NAT1: variants seen among roughly 807,000 people sequenced by gnomAD.
NAT1 encodes arylamine N-acetyltransferase 1.
For synonymous variants in NAT1, 144 were observed against 122.6 expected (o/e 1.17, Z -1.16); for missense variants, 400 against 339.2 (o/e 1.18, Z -1.41).
intron 2 of NAT1, among the ~76,000 whole-genome samples, chr8:18,171,560 C>T (rs560674643): frequency 5.8e-4 from 88 of 152,244 alleles, no homozygotes; most frequent in African/African-American, 2.0e-3. Context: ...CCAGAAAGAG[C>T]TAGGAGGAAT....
rs776258678 is a variant in NAT1, at chr8:18,219,392, T to A, written c.-85-19T>A. 1 of 1,512,588 alleles carries A rather than the reference T, an allele frequency of 6.6e-7. No individual in the cohort carries two copies. The allele number at this position is 1,512,588 out of a possible 1,614,324, so 93.7% of individuals were successfully genotyped here. A position where few individuals can be genotyped will look rare whatever the true frequency, so the allele number is the denominator to read the frequency against. On this transcript the variant is annotated intron_variant, in intron 1 of 2. Transcript: ENST00000307719. ...AAGTCATGTTATATATTTCTGACTG[T>A]CTTTTCTCTTATTTCTAGAATTCAA...
chr8:18,171,020 T>C (rs571457182), intron 2 of NAT1, among the ~76,000 whole-genome samples: 13 of 152,312 alleles, frequency 8.5e-5, no homozygotes, highest in African/African-American at 3.1e-4. Flanking sequence ...TTAACTAGAT[T>C]GGATCCAGTT....
intron 1 of NAT1, among the ~76,000 whole-genome samples, chr8:18,216,227 T>A (rs1040233099): frequency 7.9e-5 from 12 of 152,174 alleles, no homozygotes; most frequent in African/African-American, 2.7e-4. Context: ...TGACCTGGGA[T>A]TTTTATAATT....
chr8:18,210,990 C>T (rs1015745803), intron 1 of NAT1, among the ~76,000 whole-genome samples: 2 of 151,968 alleles, frequency 1.3e-5, no homozygotes, highest in East Asian at 1.9e-4. Flanking sequence ...TTTTTAGTAG[C>T]GATGGGGTTT....
chr8:18,220,517 T>G (rs1563195080), intron 2 of NAT1, among the ~76,000 whole-genome samples: 1 of 152,174 alleles, frequency 6.6e-6, no homozygotes, highest in Non-Finnish European at 1.5e-5. Flanking sequence ...GATGGCAGGT[T>G]TAAAAAACCT....
chr8:18,204,059 T>C (rs1803595162), intron 2 of NAT1, among the ~76,000 whole-genome samples: 1 of 152,194 alleles, frequency 6.6e-6, no homozygotes, highest in Non-Finnish European at 1.5e-5. Flanking sequence ...ACGTCATACC[T>C]GATCTAACCA....
chr8:18,174,919 G>A (rs1274840778), intron 2 of NAT1, among the ~76,000 whole-genome samples: 1 of 151,958 alleles, frequency 6.6e-6, no homozygotes, highest in Non-Finnish European at 1.5e-5. Context: ...AAGGGTTTAC[G>A]GTCTCCCCAC....
intron 1 of NAT1, chr8:18,216,743 C>T (rs1317400546): frequency 1.8e-6 from 1 of 570,738 alleles, no homozygotes; most frequent in Non-Finnish European, 3.1e-6. Context: ...AAGATAAAAG[C>T]AAAATTTCGT....
At chr8:18,177,994 C>T (rs1443875325) in intron 2 of NAT1, among the ~76,000 whole-genome samples, 3 of 152,092 alleles carry the variant, frequency 2.0e-5, no homozygotes, top group Non-Finnish European at 2.9e-5. Context: ...TTAACTTTCT[C>T]TCTTCTTACA....
chr8:18,207,644 G>T (rs952000310), upstream of NAT1, among the ~76,000 whole-genome samples: 1 of 152,172 alleles, frequency 6.6e-6, no homozygotes, highest in Non-Finnish European at 1.5e-5. Context: ...CAGAGAGATA[G>T]GAATGCTTTT....
chr8:18,187,746 T>A (rs997338937), intron 2 of NAT1, among the ~76,000 whole-genome samples: 17 of 152,126 alleles, frequency 1.1e-4, no homozygotes, highest in African/African-American at 3.9e-4. Flanking sequence ...GAAAAATACC[T>A]GTAGGGTACT....
intron 2 of NAT1, among the ~76,000 whole-genome samples, chr8:18,204,831 G>A (rs1295880770): frequency 6.6e-6 from 1 of 152,200 alleles, no homozygotes; most frequent in Non-Finnish European, 1.5e-5. Context: ...ACAGATATGA[G>A]GATGTTGTTT....
At chr8:18,175,699 T>C (rs930976249) in intron 2 of NAT1, among the ~76,000 whole-genome samples, 2 of 152,112 alleles carry the variant, frequency 1.3e-5, no homozygotes, top group Admixed American at 6.6e-5. Flanking sequence ...CTCTTCAACA[T>C]ACCAACTTCA....
intron 2 of NAT1, among the ~76,000 whole-genome samples, chr8:18,186,399 G>C (rs1161834096): frequency 6.6e-6 from 1 of 152,060 alleles, no homozygotes; most frequent in African/African-American, 2.4e-5. Flanking sequence ...TACTGGTGTA[G>C]GTACACCATC....
At chr8:18,173,772 A>G (rs1802186848) in intron 2 of NAT1, among the ~76,000 whole-genome samples, 1 of 152,100 alleles carries the variant, frequency 6.6e-6, no homozygotes. Flanking sequence ...CCTGGTCCCT[A>G]ATGGGTGGTT....
intron 2 of NAT1, among the ~76,000 whole-genome samples, chr8:18,200,022 G>A (rs144630762): frequency 5.8e-4 from 89 of 152,282 alleles, no homozygotes; most frequent in African/African-American, 1.9e-3. Flanking sequence ...AACAGATGCT[G>A]GTGAGGTTGT....
intron 1 of NAT1, among the ~76,000 whole-genome samples, chr8:18,214,448 T>G (rs1208041490): frequency 2.0e-5 from 3 of 152,228 alleles, no homozygotes; most frequent in Admixed American, 2.0e-4. Context: ...TACACTTCTA[T>G]TACTTCACCA....
chr8:18,181,564 T>C (rs1222658802), intron 2 of NAT1, among the ~76,000 whole-genome samples: 1 of 152,172 alleles, frequency 6.6e-6, no homozygotes, highest in Non-Finnish European at 1.5e-5. Flanking sequence ...TATTTCTTTC[T>C]CTTGTCTGAT....
rs1804723251 is a variant in NAT1, at chr8:18,216,841, G to A, written c.-85-2570G>A. 3 of 1,305,192 alleles carry A rather than the reference G, an allele frequency of 2.3e-6. No individual in the cohort carries two copies. In the African/African-American group the frequency reaches 4.4e-5, roughly 19 times the overall value. The allele number at this position is 1,305,192 out of a possible 1,614,324, so 80.9% of individuals were successfully genotyped here. A position where few individuals can be genotyped will look rare whatever the true frequency, so the allele number is the denominator to read the frequency against. The stretch of plus-strand genomic sequence containing the variant: ...GGATGTGGCACAAAAATGGTAAGGG[G>A]GAACTCATAAGAACTCATAATTATT... On this transcript the variant is annotated intron_variant, in intron 1 of 2. Transcript: ENST00000307719.
Sources: gnomAD v4.1 joint callset for allele counts (sites outside exome capture counted in the v4.1 genomes callset) on GRCh38, gnomAD v4.1.1 for gene constraint, MANE v1.5 for transcripts, NCBI Gene and HGNC (gene_info 2026-07-23, HGNC 2026-07-21) for gene names.